OPCML: variants seen among roughly 807,000 people sequenced by gnomAD.
The protein encoded by OPCML is opioid binding protein/cell adhesion molecule like.
In OPCML, 13 loss-of-function variants were observed where a neutral mutation model predicts 37.8. The observed-to-expected ratio is 0.34, with a 90% CI of 0.22 to 0.55. The LOEUF (loss-of-function observed/expected upper bound fraction) is 0.55. Among genes scored for constraint, OPCML ranks in the 20% least tolerant of loss-of-function variants. OPCML has a pLI of 0.91. For missense variants in OPCML, 341 were observed against 435.6 expected, an observed-to-expected ratio of 0.78 and a Z score of 1.93; for synonymous variants, 176 against 168.8, an observed-to-expected ratio of 1.04 and a Z score of -0.33.
intron 2 of OPCML, among the ~76,000 whole-genome samples, chr11:132,876,195 T>C (rs1408841955): frequency 6.6e-6 from 1 of 152,170 alleles, no homozygotes; most frequent in Non-Finnish European, 1.5e-5. Flanking sequence ...GAATCGATAG[T>C]TCTTGACAAT....
intron 1 of OPCML, among the ~76,000 whole-genome samples, chr11:133,058,006 T>C (rs1223946815): frequency 6.6e-6 from 1 of 152,264 alleles, no homozygotes; most frequent in Non-Finnish European, 1.5e-5. Flanking sequence ...AGACTAGGAA[T>C]ACCTCCAGGG....
At chr11:133,456,795 A>AT (rs1422059826) in intron 1 of OPCML, among the ~76,000 whole-genome samples, 1 of 151,892 alleles carries the variant, frequency 6.6e-6, no homozygotes, top group East Asian at 1.9e-4. Context: ...AAAAAAAAAA[A>AT]TTCACTGAAC....
intron 3 of OPCML, among the ~76,000 whole-genome samples, chr11:132,605,572 T>A (rs1938233701): frequency 6.6e-6 from 1 of 151,842 alleles, no homozygotes; most frequent in Admixed American, 6.6e-5. Context: ...GTCAAAAAAA[T>A]AAATAAATAA....
chr11:133,032,442 T>C (rs56764042), intron 1 of OPCML, among the ~76,000 whole-genome samples: 15,806 of 152,118 alleles, frequency 0.1, 1,304 homozygotes, highest in East Asian at 0.3. Flanking sequence ...GCTCATTCCC[T>C]TTGCAAATCA....
At chr11:132,700,751 G>A (rs543737197) in intron 2 of OPCML, among the ~76,000 whole-genome samples, 25 of 152,236 alleles carry the variant, frequency 1.6e-4, no homozygotes, top group East Asian at 7.7e-4. Context: ...AACAGTGTGC[G>A]TTCTGCTGCT....
chr11:132,541,987 C>G (rs867889320), intron 3 of OPCML, among the ~76,000 whole-genome samples: 2 of 152,208 alleles, frequency 1.3e-5, no homozygotes, highest in African/African-American at 2.4e-5. Flanking sequence ...GGAGGAAAAC[C>G]AAATGAGGCA....
intron 1 of OPCML, among the ~76,000 whole-genome samples, chr11:133,111,487 C>A (rs751765401): frequency 6.6e-6 from 1 of 152,132 alleles, no homozygotes; most frequent in Non-Finnish European, 1.5e-5. Flanking sequence ...TTAGTTAGTA[C>A]GAGTCTTTCT....
chr11:132,977,558 T>G (rs1946491140), intron 1 of OPCML, among the ~76,000 whole-genome samples: 1 of 152,240 alleles, frequency 6.6e-6, no homozygotes, highest in South Asian at 2.1e-4. Context: ...GCCATATTTT[T>G]TTCATATTCT....
At chr11:132,616,159 G>A (rs957122613) in intron 3 of OPCML, among the ~76,000 whole-genome samples, 2 of 152,184 alleles carry the variant, frequency 1.3e-5, no homozygotes, top group East Asian at 1.9e-4. Flanking sequence ...CATCTTTGGA[G>A]ACATGGCTTT....
At chr11:132,959,600 G>C (rs1468897704) in intron 1 of OPCML, among the ~76,000 whole-genome samples, 3 of 151,782 alleles carry the variant, frequency 2.0e-5, no homozygotes, top group Non-Finnish European at 4.4e-5. Flanking sequence ...AAAGAAAGTG[G>C]AATGCAGAGA....
chr11:133,345,100 G>C (rs1170785281), intron 1 of OPCML, among the ~76,000 whole-genome samples: 1 of 152,024 alleles, frequency 6.6e-6, no homozygotes, highest in Non-Finnish European at 1.5e-5. Flanking sequence ...CCTATATCAA[G>C]CACAGAGGCC....
At chr11:132,614,164 G>A (rs1938840846) in intron 3 of OPCML, among the ~76,000 whole-genome samples, 1 of 151,996 alleles carries the variant, frequency 6.6e-6, no homozygotes, top group South Asian at 2.1e-4. Flanking sequence ...CCCGGTTCCG[G>A]TTCAATCCGC....
At chr11:133,483,289 C>T (rs547517267) in intron 1 of OPCML, among the ~76,000 whole-genome samples, 27 of 126,198 alleles carry the variant, frequency 2.1e-4, no homozygotes, top group Admixed American at 6.4e-4. Flanking sequence ...GTTGGAAATG[C>T]GCACTAGAGC....
At chr11:133,452,646 C>T (rs1946602746) in intron 1 of OPCML, among the ~76,000 whole-genome samples, 1 of 151,382 alleles carries the variant, frequency 6.6e-6, no homozygotes, top group African/African-American at 2.5e-5. Context: ...ACCCTTATCT[C>T]ATATTTTATT....
chr11:133,020,351 C>T (rs112770739), intron 1 of OPCML, among the ~76,000 whole-genome samples: 10 of 152,350 alleles, frequency 6.6e-5, no homozygotes, highest in African/African-American at 2.4e-4. Flanking sequence ...TCCCTTTCAC[C>T]CACAGACACG....
chr11:132,444,445 T>C (rs1443368129), intron 4 of OPCML, among the ~76,000 whole-genome samples: 1 of 152,214 alleles, frequency 6.6e-6, no homozygotes, highest in Non-Finnish European at 1.5e-5. Context: ...GGTAGAGTTT[T>C]AGCATTTGGG....
At chr11:132,777,692 T>C (rs911928575) in intron 2 of OPCML, among the ~76,000 whole-genome samples, 2 of 152,106 alleles carry the variant, frequency 1.3e-5, no homozygotes, top group Non-Finnish European at 2.9e-5. Flanking sequence ...TCTTGCTATA[T>C]TCCAAAAAGG....
intron 2 of OPCML, among the ~76,000 whole-genome samples, chr11:132,833,975 A>G (rs781058806): frequency 4.6e-5 from 7 of 152,212 alleles, no homozygotes; most frequent in Non-Finnish European, 1.0e-4. Context: ...AGTTTAGAAC[A>G]AAAAAGAGAT....
chr11:133,248,074 G>A (rs1941009536), intron 1 of OPCML, among the ~76,000 whole-genome samples: 1 of 152,262 alleles, frequency 6.6e-6, no homozygotes, highest in South Asian at 2.1e-4. Flanking sequence ...TGGCTTGAAG[G>A]GTGCCAAGAA....
Sources: gnomAD v4.1 joint callset for allele counts (sites outside exome capture counted in the v4.1 genomes callset) on GRCh38, gnomAD v4.1.1 for gene constraint, MANE v1.5 for transcripts, NCBI Gene and HGNC (gene_info 2026-07-23, HGNC 2026-07-21) for gene names.